Variants in H2AZ2 observed in about 807,000 individuals in gnomAD.
H2AZ2 encodes the protein histone H2A.V.
Under a neutral mutation model 15.5 loss-of-function variants are expected in H2AZ2, and 5 were observed. That is an observed-to-expected ratio of 0.32 (90% CI 0.17 to 0.68). The LOEUF is 0.68. H2AZ2 is among the 30% of genes least tolerant of loss of function. The pLI is 0.72. For missense variants in H2AZ2, 42 were observed against 162.5 expected (o/e 0.26, Z 4.03); for synonymous variants, 44 against 57.4 (o/e 0.77, Z 1.05).
intron 1 of H2AZ2, among the ~76,000 whole-genome samples, chr7:44,844,481 G>C (rs1163145521): frequency 1.3e-5 from 2 of 152,192 alleles, no homozygotes; most frequent in African/African-American, 4.8e-5. Flanking sequence ...AGCCTCCTAA[G>C]TAGCTGGTAG....
Position 44,833,688 on chromosome 7 carries a change from A to C in H2AZ2, c.*813T>G, listed in dbSNP as rs1225900110. ...TTTAAACCAAAAGGAGAAACCTTTG[A>C]TAAACTGAACATCAATTCCAGGTAA... On this transcript the variant is annotated 3_prime_UTR_variant, in exon 5 of 5. Transcript: ENST00000308153. 1 of 985,336 alleles carries C rather than the reference A, an allele frequency of 1.0e-6. No homozygotes were observed. The highest frequency in any genetic ancestry group is 1.7e-5 in the African/African-American group (1 of 57,264). The allele number at this position is 985,336 out of a possible 1,614,324, so 61.0% of individuals were successfully genotyped here.
downstream of H2AZ2, among the ~76,000 whole-genome samples, chr7:44,831,329 G>A: frequency 6.6e-6 from 1 of 152,110 alleles, no homozygotes; most frequent in East Asian, 1.9e-4. Context: ...TAAGCCCAGA[G>A]TACATGACCT....
At chr7:44,841,912 C>T (rs754382913) in intron 2 of H2AZ2, among the ~76,000 whole-genome samples, 1 of 152,208 alleles carries the variant, frequency 6.6e-6, no homozygotes, top group African/African-American at 2.4e-5. Flanking sequence ...CTTCCAGTTA[C>T]AGTCTAGACA....
downstream of H2AZ2, chr7:44,827,652 T>C (rs1451137491): frequency 6.6e-6 from 1 of 152,206 alleles, no homozygotes; most frequent in African/African-American, 2.4e-5. Context: ...TAACCAGAGA[T>C]GATATTCACA....
chr7:44,827,304 A>G (rs1282414488), downstream of H2AZ2: 1 of 152,266 alleles, frequency 6.6e-6, no homozygotes, highest in Non-Finnish European at 1.5e-5. Context: ...CTACTTCAAC[A>G]TGTTACATGG....
chr7:44,844,198 T>G (rs985857817), intron 1 of H2AZ2, among the ~76,000 whole-genome samples: 1 of 152,070 alleles, frequency 6.6e-6, no homozygotes, highest in Non-Finnish European at 1.5e-5. Context: ...AGCCAAAAGG[T>G]AGAAACAATC....
At position 44,834,342 on chromosome 7, in the gene H2AZ2, G is replaced by A. The variant is rs1250576859; in HGVS notation, c.*159C>T. On this transcript the variant is annotated 3_prime_UTR_variant, in exon 5 of 5. Coordinates refer to ENST00000308153, the MANE Select transcript of H2AZ2 (RefSeq NM_012412.5). ...TGAAAAGGTACTTTTATCAAACTTC[G>A]AGTCTAAGAACATACAAATGTTTCT... 7.5e-6 allele frequency: 10 copies of A among 1,329,556 alleles called. No individual in the cohort carries two copies. The highest frequency in any genetic ancestry group is 5.3e-5 in the East Asian group (2 of 38,054). 82.4% of individuals were successfully genotyped at this position (1,329,556 alleles called of 1,614,324 possible). A position where few individuals can be genotyped will look rare whatever the true frequency, so the allele number is the denominator to read the frequency against.
chr7:44,830,823 C>A (rs1280135891), downstream of H2AZ2, among the ~76,000 whole-genome samples: 1 of 152,054 alleles, frequency 6.6e-6, no homozygotes, highest in Non-Finnish European at 1.5e-5. Flanking sequence ...CATGGTGAAA[C>A]CCCATCTCTA....
chr7:44,830,233 T>C, downstream of H2AZ2: 1 of 1,430,398 alleles, frequency 7.0e-7, no homozygotes, highest in Non-Finnish European at 9.8e-7. Context: ...ATCTCATAGA[T>C]GAGCTGATAA....
chr7:44,836,259 A>G (rs1052781661), intron 3 of H2AZ2, among the ~76,000 whole-genome samples: 1 of 152,148 alleles, frequency 6.6e-6, no homozygotes, highest in African/African-American at 2.4e-5. Flanking sequence ...CACCACGCCC[A>G]GTCAAAGTCA....
At chr7:44,837,048 A>G (rs1793141572) in intron 3 of H2AZ2, among the ~76,000 whole-genome samples, 1 of 151,630 alleles carries the variant, frequency 6.6e-6, no homozygotes, top group African/African-American at 2.4e-5. Flanking sequence ...AAAAACAGAC[A>G]CAGGGTTTCA....
Position 44,834,285 on chromosome 7 carries a change from A to T in H2AZ2, c.*216T>A. On this transcript the variant is annotated 3_prime_UTR_variant, in exon 5 of 5. Coordinates refer to ENST00000308153, the MANE Select transcript of H2AZ2 (RefSeq NM_012412.5). ...TTTTTGTATAAAACACACGGGAGAA[A>T]CCTAGCCAATCAACACACAACTGTC... 7.8e-7 allele frequency: 1 copy of T among 1,282,204 alleles called. No homozygotes were observed. The highest frequency in any genetic ancestry group is 9.9e-7 in the Non-Finnish European group (1 of 1,012,200). The allele number at this position is 1,282,204 out of a possible 1,614,324, so 79.4% of individuals were successfully genotyped here.
Position 44,833,256 on chromosome 7 carries a change from G to A in H2AZ2, c.*1245C>T, listed in dbSNP as rs138332140. 3.9e-5 allele frequency among the ~76,000 whole-genome samples: 6 copies of A among 151,998 alleles called. No homozygotes were observed. The highest frequency in any genetic ancestry group is 9.6e-5 in the African/African-American group (4 of 41,464). Reference sequence around the variant, plus strand: ...AGACTTTTTTTTGTTTGTTTTGAGAGGGAGTCTTGCTCAGTCGCCAAGCTG... The same window carrying A: ...AGACTTTTTTTTGTTTGTTTTGAGAAGGAGTCTTGCTCAGTCGCCAAGCTG... On this transcript the variant is annotated 3_prime_UTR_variant, in exon 5 of 5. Transcript: ENST00000308153.
At chr7:44,846,381 G>A (rs1487959936) in intron 1 of H2AZ2, among the ~76,000 whole-genome samples, 3 of 152,202 alleles carry the variant, frequency 2.0e-5, no homozygotes, top group Admixed American at 2.0e-4. Flanking sequence ...ACTTTGTCAG[G>A]CCGAGGGGGG....
intron 1 of H2AZ2, among the ~76,000 whole-genome samples, chr7:44,846,272 G>A (rs1454663080): frequency 6.6e-6 from 1 of 152,070 alleles, no homozygotes; most frequent in Non-Finnish European, 1.5e-5. Context: ...TTAGCTACTG[G>A]TAAGTGGATA....
Position 44,833,608 on chromosome 7 carries a change from C to A in H2AZ2, c.*893G>T. On this transcript the variant is annotated 3_prime_UTR_variant, in exon 5 of 5. Transcript: ENST00000308153. ...TCAAGTGTTCCACCAGCCTCGGTCT[C>A]CCGAAGTGTTGGGATTACAGGCGTA... The A allele has an allele frequency of 1.2e-6, 1 of 810,584 alleles. No homozygotes were observed. Among genetic ancestry groups the A allele is most frequent in the Non-Finnish European group, 1.5e-6 (1 of 670,290 alleles). 50.2% of individuals were successfully genotyped at this position (810,584 alleles called of 1,614,324 possible).
downstream of H2AZ2, among the ~76,000 whole-genome samples, chr7:44,831,684 G>A (rs1344470016): frequency 1.3e-5 from 2 of 152,098 alleles, no homozygotes; most frequent in African/African-American, 2.4e-5. Flanking sequence ...ATGAGCACAA[G>A]TTCTTTATAG....
At chr7:44,842,493 TTAGG>T (rs1252674185) in intron 2 of H2AZ2, among the ~76,000 whole-genome samples, 3 of 152,200 alleles carry the variant, frequency 2.0e-5, no homozygotes, top group Non-Finnish European at 4.4e-5. Context: ...CCTCTGTTCC[TTAGG>T]TTCTAAGCCT....
chr7:44,846,100 A>C (rs575602099), intron 1 of H2AZ2, among the ~76,000 whole-genome samples: 2 of 149,552 alleles, frequency 1.3e-5, no homozygotes, highest in East Asian at 3.9e-4. Context: ...AGGAAGTAGG[A>C]GTTCGTTCAT....
Sources: allele counts gnomAD v4.1 joint callset (sites outside exome capture counted in the v4.1 genomes callset), GRCh38; gene constraint gnomAD v4.1.1; transcripts MANE v1.5; gene names NCBI Gene and HGNC (gene_info 2026-07-23, HGNC 2026-07-21).